Variants in CENPC observed in about 807,000 individuals in gnomAD.
CENPC encodes CENP-C 1.
In CENPC, 63 loss-of-function variants were observed where a neutral mutation model predicts 112.1. That is an observed-to-expected ratio of 0.56 (90% CI 0.46 to 0.69). The LOEUF (loss-of-function observed/expected upper bound fraction) is 0.69, where lower values mean the gene tolerates loss of function less well. CENPC is among the 30% of genes least tolerant of loss of function. The probability of loss-of-function intolerance (pLI) is 0.00; values close to 1 mark genes in which losing one functional copy is unlikely to be tolerated. For synonymous variants in CENPC, 333 were observed against 367.6 expected, an observed-to-expected ratio of 0.91 and a Z score of 1.08; for missense variants, 1,000 against 1,103.8, an observed-to-expected ratio of 0.91 and a Z score of 1.33.
intron 4 of CENPC, among the ~76,000 whole-genome samples, chr4:67,537,875 TCAG>T (rs1353479206): frequency 6.6e-6 from 1 of 152,046 alleles, no homozygotes; most frequent in Non-Finnish European, 1.5e-5. Flanking sequence ...TCCTAGGTAG[TCAG>T]CAGGCTGAGA....
At chr4:67,512,778 T>A (rs1725933685) in intron 8 of CENPC, among the ~76,000 whole-genome samples, 1 of 152,168 alleles carries the variant, frequency 6.6e-6, no homozygotes, top group East Asian at 1.9e-4. Flanking sequence ...AATGCAAATT[T>A]TCACACTGCT....
intron 5 of CENPC, among the ~76,000 whole-genome samples, chr4:67,521,898 C>T (rs959304214): frequency 3.9e-5 from 6 of 151,982 alleles, no homozygotes; most frequent in East Asian, 1.9e-4. Flanking sequence ...AATTCATGGA[C>T]AGAAAAAAGT....
chr4:67,508,809 A>G lies in CENPC; in HGVS notation c.1904+5T>C. On this transcript the variant is annotated splice_donor_5th_base_variant and intron_variant, in intron 10 of 18. Transcript: ENST00000273853. Reference sequence around the variant, plus strand: ...TAACTATATTGTACACATAACAGACATTACCTAGAACAATCAAGATTTTTC... The same window carrying G: ...TAACTATATTGTACACATAACAGACGTTACCTAGAACAATCAAGATTTTTC... The G allele has an allele frequency of 6.2e-7, 1 of 1,611,712 alleles. No individual in the cohort carries two copies. Among genetic ancestry groups the G allele is most frequent in the Non-Finnish European group, 8.5e-7 (1 of 1,178,890 alleles).
chr4:67,487,161 A>G (rs1476762503), intron 17 of CENPC, among the ~76,000 whole-genome samples: 1 of 151,998 alleles, frequency 6.6e-6, no homozygotes, highest in Non-Finnish European at 1.5e-5. Flanking sequence ...TAACTCCAAC[A>G]TTCCTTCTTC....
At chr4:67,499,091 C>T (rs980231336) in intron 12 of CENPC, among the ~76,000 whole-genome samples, 1 of 152,144 alleles carries the variant, frequency 6.6e-6, no homozygotes, top group Non-Finnish European at 1.5e-5. Flanking sequence ...TGGTGCATTG[C>T]CATGGATGTG....
intron 17 of CENPC, among the ~76,000 whole-genome samples, chr4:67,485,474 C>CG (rs200945714): frequency 5.9e-5 from 9 of 151,876 alleles, no homozygotes; most frequent in Admixed American, 4.6e-4. Flanking sequence ...TCTTAACCCC[C>CG]CCAATGTGAT....
Position 67,495,164 on chromosome 4 carries a change from T to G in CENPC, c.2180A>C (p.Lys727Thr). The stretch of plus-strand genomic sequence containing the variant: ...AAAAAGAAAAATATTCTTACCTAGT[T>G]TGTGATGGATTCTGTTCTTTGGTAT... The part of the protein sequence containing the change: ...KVIPKNRIHH[K>T]LVLPSNTPNV... The change falls in exon 13 of 19, where the codon AAA becomes ACA. Residue 727 changes from lysine to threonine, a missense_variant. Lys to Thr is a moderately conservative substitution (Grantham distance 78). Transcript: ENST00000273853. 2.6e-6 allele frequency: 4 copies of G among 1,524,366 alleles called. No individual in the cohort carries two copies. Among genetic ancestry groups the G allele is most frequent in the Non-Finnish European group, 3.5e-6 (4 of 1,138,218 alleles). The allele number at this position is 1,524,366 out of a possible 1,614,324, so 94.4% of individuals were successfully genotyped here.
intron 5 of CENPC, among the ~76,000 whole-genome samples, chr4:67,524,178 T>C (rs1019301443): frequency 6.6e-6 from 1 of 151,934 alleles, no homozygotes; most frequent in Non-Finnish European, 1.5e-5. Context: ...ACACCAACCA[T>C]CAATATGTGG....
intron 5 of CENPC, among the ~76,000 whole-genome samples, chr4:67,529,460 G>A (rs1726480352): frequency 6.6e-6 from 1 of 151,962 alleles, no homozygotes; most frequent in African/African-American, 2.4e-5. Context: ...CGAGTACCTG[G>A]GATAACAGGT....
intron 5 of CENPC, among the ~76,000 whole-genome samples, 188 bp downstream of exon 5, chr4:67,530,624 GAGA>G (rs1223418092): frequency 3.3e-5 from 5 of 152,212 alleles, no homozygotes; most frequent in Admixed American, 1.3e-4. Flanking sequence ...AAAGGAAATG[GAGA>G]AGAAGAGAGA....
intron 4 of CENPC, among the ~76,000 whole-genome samples, chr4:67,538,741 G>A (rs1194053935): frequency 6.6e-6 from 1 of 152,134 alleles, no homozygotes; most frequent in Non-Finnish European, 1.5e-5. Context: ...AGCCTTGAGG[G>A]GGAATATCCT....
intron 14 of CENPC, chr4:67,493,517 C>A: frequency 5.1e-6 from 1 of 194,564 alleles, no homozygotes; most frequent in Non-Finnish European, 1.1e-5. Context: ...ACGATTAACA[C>A]TACACTTTCT....
intron 12 of CENPC, among the ~76,000 whole-genome samples, chr4:67,502,071 A>T (rs902927705): frequency 2.0e-5 from 3 of 152,186 alleles, no homozygotes; most frequent in African/African-American, 7.2e-5. Context: ...TCAAATTTCT[A>T]TTCATAAGCA....
chr4:67,545,101 AG>A, intron 1 of CENPC, among the ~76,000 whole-genome samples: 1 of 152,334 alleles, frequency 6.6e-6, no homozygotes, highest in Non-Finnish European at 1.5e-5. Flanking sequence ...CTCAAGAGTA[AG>A]ACGTAGGCAC....
chr4:67,510,394 C>T (rs1323108416), intron 9 of CENPC, among the ~76,000 whole-genome samples: 3 of 152,276 alleles, frequency 2.0e-5, no homozygotes, highest in South Asian at 4.1e-4. Context: ...ATCACACATA[C>T]GACTGTTTAC....
intron 5 of CENPC, among the ~76,000 whole-genome samples, chr4:67,529,552 C>G (rs908295355): frequency 1.3e-5 from 2 of 152,070 alleles, no homozygotes; most frequent in Non-Finnish European, 2.9e-5. Flanking sequence ...TCTCAAACTC[C>G]TGACCTCAAC....
chr4:67,493,614 C>T, intron 14 of CENPC: 1 of 283,276 alleles, frequency 3.5e-6, no homozygotes. Context: ...TTACCTTTAC[C>T]AGTTACAATT....
chr4:67,537,998 T>C (rs954211395), intron 4 of CENPC, among the ~76,000 whole-genome samples: 5 of 151,674 alleles, frequency 3.3e-5, no homozygotes, highest in Admixed American at 3.3e-4. Flanking sequence ...AATAAATAAA[T>C]AAATAAATAA....
Position 67,518,344 on chromosome 4 carries a change from C to A in CENPC, c.642G>T (p.Met214Ile). The A allele has an allele frequency of 6.5e-7, 1 of 1,529,224 alleles. No individual in the cohort carries two copies. Among genetic ancestry groups the A allele is most frequent in the Non-Finnish European group, 8.8e-7 (1 of 1,141,716 alleles). The allele number at this position is 1,529,224 out of a possible 1,614,324, so 94.7% of individuals were successfully genotyped here. The change falls in exon 7 of 19, where the codon ATG becomes ATT. Residue 214 changes from methionine (M) to isoleucine (I), a missense_variant. By Grantham distance (10) the Met-to-Ile change is conservative. Transcript: ENST00000273853. ...TATTATCTATTTCTATTTTCTTTAACATAACTTTATCATCAAAGTTTAACC... is the reference window on the plus strand; with the variant it reads ...TATTATCTATTTCTATTTTCTTTAAAATAACTTTATCATCAAAGTTTAACC... ...KKRLNFDDKV[M>I]LKKIEIDNKV... is the part of the protein sequence containing the mutation.
Sources: allele counts gnomAD v4.1 joint callset (sites outside exome capture counted in the v4.1 genomes callset), GRCh38; gene constraint gnomAD v4.1.1; transcripts MANE v1.5; gene names NCBI Gene and HGNC (gene_info 2026-07-23, HGNC 2026-07-21).